ADAM18: variants seen among roughly 807,000 people sequenced by gnomAD.
The protein encoded by ADAM18 is ADAM metallopeptidase domain 18.
In ADAM18, 117 loss-of-function variants were observed where a neutral mutation model predicts 94.4. The observed-to-expected ratio is 1.24, with a 90% CI of 1.07 to 1.45. The LOEUF (loss-of-function observed/expected upper bound fraction) is 1.45. ADAM18 is among the 40% of genes most tolerant of loss of function. ADAM18 has a pLI of 0.00. For synonymous variants in ADAM18, 327 were observed against 291.6 expected (o/e 1.12, Z -1.24); for missense variants, 936 against 880.0 (o/e 1.06, Z -0.81).
intron 12 of ADAM18, among the ~76,000 whole-genome samples, chr8:39,658,237 T>G (rs1248066723): frequency 6.6e-6 from 1 of 152,212 alleles, no homozygotes; most frequent in Non-Finnish European, 1.5e-5. Context: ...TATCATCCTC[T>G]CAAAGTTGCC....
chr8:39,638,056 T>C, intron 9 of ADAM18, among the ~76,000 whole-genome samples: 2 of 152,060 alleles, frequency 1.3e-5, no homozygotes, highest in Admixed American at 1.3e-4. Context: ...ATTTCATGTC[T>C]ACTTTTTACT....
At chr8:39,661,784 C>A (rs1820847802) in intron 12 of ADAM18, among the ~76,000 whole-genome samples, 1 of 151,944 alleles carries the variant, frequency 6.6e-6, no homozygotes, top group Non-Finnish European at 1.5e-5. Context: ...AAGGTGCATG[C>A]AGCCACATTT....
At chr8:39,652,072 A>AT (rs1194297985) in intron 12 of ADAM18, among the ~76,000 whole-genome samples, 3 of 152,128 alleles carry the variant, frequency 2.0e-5, no homozygotes, top group African/African-American at 4.8e-5. Flanking sequence ...AAGACTTAAA[A>AT]CTAAGACCTG....
intron 2 of ADAM18, among the ~76,000 whole-genome samples, 182 bp downstream of exon 2, chr8:39,585,534 T>C (rs1327891945): frequency 6.6e-6 from 1 of 152,224 alleles, no homozygotes. Context: ...CTTATTTCCC[T>C]GTCTTTTCTC....
chr8:39,707,659 T>C (rs1006193312), intron 18 of ADAM18, among the ~76,000 whole-genome samples: 1 of 152,172 alleles, frequency 6.6e-6, no homozygotes, highest in African/African-American at 2.4e-5. Context: ...TGTATGTATG[T>C]ATATTTTGTA....
chr8:39,676,919 A>T (rs544679035), intron 14 of ADAM18, among the ~76,000 whole-genome samples: 11 of 152,338 alleles, frequency 7.2e-5, no homozygotes, highest in African/African-American at 2.6e-4. Context: ...ATAGTAGAAG[A>T]GATTTGGACT....
chr8:39,658,830 G>T (rs1820756173), intron 12 of ADAM18, among the ~76,000 whole-genome samples: 1 of 152,122 alleles, frequency 6.6e-6, no homozygotes, highest in Admixed American at 6.5e-5. Context: ...AATGCTTCTG[G>T]AGAGTACCGT....
intron 2 of ADAM18, among the ~76,000 whole-genome samples, chr8:39,593,198 T>C (rs905987403): frequency 1.6e-4 from 24 of 152,220 alleles, no homozygotes; most frequent in Non-Finnish European, 4.4e-5. Flanking sequence ...ATGTTACGGC[T>C]GGTTTGATTG....
chr8:39,678,218 A>T (rs974708405), intron 15 of ADAM18, among the ~76,000 whole-genome samples: 4 of 152,234 alleles, frequency 2.6e-5, no homozygotes, highest in African/African-American at 9.6e-5. Context: ...GAAGAAGCAG[A>T]CATTTAGTCT....
chr8:39,631,036 G>A (rs1487922249), intron 7 of ADAM18, among the ~76,000 whole-genome samples: 1 of 151,872 alleles, frequency 6.6e-6, no homozygotes, highest in South Asian at 2.1e-4. Flanking sequence ...AAGAGTAAAT[G>A]TATAAGTTTT....
Position 39,680,217 on chromosome 8 carries a change from T to A in ADAM18, c.1812T>A (p.Gly604=), listed in dbSNP as rs774467330. The A allele has an allele frequency of 3.1e-6, 5 of 1,608,932 alleles. No homozygotes were observed. Among genetic ancestry groups the A allele is most frequent in the Non-Finnish European group, 3.4e-6 (4 of 1,178,500 alleles). The change falls in exon 16 of 20, where the codon GGT becomes GGA. Residue 604 remains glycine (G), a synonymous_variant. Transcript: ENST00000265707. ...NAYVADGTMC[G]PEMYCVNKTC... ...ATGTGGCTGATGGCACCATGTGTGG[T>A]CCAGAAATGGTAACAAAATGTGATA...
At chr8:39,590,718 T>A (rs1818546846) in intron 2 of ADAM18, among the ~76,000 whole-genome samples, 1 of 152,194 alleles carries the variant, frequency 6.6e-6, no homozygotes, top group Non-Finnish European at 1.5e-5. Flanking sequence ...TAAACTAAAA[T>A]AACATTTTAC....
chr8:39,616,304 A>G (rs888308196), intron 6 of ADAM18, among the ~76,000 whole-genome samples: 2 of 152,032 alleles, frequency 1.3e-5, no homozygotes, highest in African/African-American at 4.8e-5. Flanking sequence ...CAGTTACTGG[A>G]AAGGCTGAGG....
intron 17 of ADAM18, among the ~76,000 whole-genome samples, chr8:39,698,117 A>G (rs1821975322): frequency 6.6e-6 from 1 of 151,858 alleles, no homozygotes; most frequent in South Asian, 2.1e-4. Flanking sequence ...TTTATTCTGA[A>G]TCTCTCAAGC....
At chr8:39,650,844 A>C (rs892287706) in intron 12 of ADAM18, among the ~76,000 whole-genome samples, 66 of 152,170 alleles carry the variant, frequency 4.3e-4, no homozygotes, top group African/African-American at 1.6e-3. Context: ...TGTCAGGTGG[A>C]ATGAGAGACT....
chr8:39,701,231 AT>A (rs746263616), intron 17 of ADAM18, among the ~76,000 whole-genome samples: 1 of 150,130 alleles, frequency 6.7e-6, no homozygotes, highest in East Asian at 1.9e-4. Flanking sequence ...TTTTCTAAAA[AT>A]ATATATATTT....
At chr8:39,646,388 C>T (rs1005829953) in intron 11 of ADAM18, among the ~76,000 whole-genome samples, 12 of 151,874 alleles carry the variant, frequency 7.9e-5, no homozygotes, top group African/African-American at 2.9e-4. Context: ...ACAATTAAAA[C>T]AATTAAAATA....
At chr8:39,589,161 G>A (rs747887625) in intron 2 of ADAM18, among the ~76,000 whole-genome samples, 8 of 152,114 alleles carry the variant, frequency 5.3e-5, no homozygotes, top group Admixed American at 2.6e-4. Context: ...CCTGTGTTAC[G>A]TTGATGTCCT....
At chr8:39,631,303 A>T (rs995057803) in intron 7 of ADAM18, among the ~76,000 whole-genome samples, 2 of 151,888 alleles carry the variant, frequency 1.3e-5, no homozygotes, top group Non-Finnish European at 2.9e-5. Context: ...TTTCTTCCAT[A>T]TCATTTTATG....
Sources: gnomAD v4.1 joint callset for allele counts (sites outside exome capture counted in the v4.1 genomes callset) on GRCh38, gnomAD v4.1.1 for gene constraint, MANE v1.5 for transcripts, NCBI Gene and HGNC (gene_info 2026-07-23, HGNC 2026-07-21) for gene names.